Variants in M1AP observed in about 807,000 individuals in gnomAD.
M1AP encodes the protein meiosis 1 arrest protein.
In M1AP, 39 loss-of-function variants were observed where a neutral mutation model predicts 51.2. The ratio of observed to expected loss-of-function variants is 0.76; its 90% CI spans 0.59 to 1.00. The LOEUF (loss-of-function observed/expected upper bound fraction) is 1.00. Among genes scored for constraint, M1AP ranks in the 50% least tolerant of loss-of-function variants. The pLI is 0.00. For synonymous variants in M1AP, 251 were observed against 249.2 expected (o/e 1.01, Z -0.07); for missense variants, 545 against 641.2 (o/e 0.85, Z 1.62).
Position 74,560,245 on chromosome 2 carries a change from T to C in M1AP, c.1328A>G (p.His443Arg), listed in dbSNP as rs1677822058. 6.2e-7 allele frequency: 1 copy of C among 1,613,340 alleles called. No homozygotes were observed. The highest frequency in any genetic ancestry group is 8.5e-7 in the Non-Finnish European group (1 of 1,179,764). ...LELEPTYNPLHVQSHLYSHLS... is the reference protein window; with the variant it reads ...LELEPTYNPLRVQSHLYSHLS... ...GTGTGAGTACAGGTGGCTTTGAACATGCAAGGGGTTGTAGGTGGGCTCCAG... is the reference window on the plus strand; with the variant it reads ...GTGTGAGTACAGGTGGCTTTGAACACGCAAGGGGTTGTAGGTGGGCTCCAG... Residue 443 changes from histidine to arginine, a missense_variant, in exon 9 of 11, where the codon CAT becomes CGT. Physicochemically the swap from His to Arg is conservative, Grantham distance 29. Coordinates refer to ENST00000421985, the MANE Select transcript of M1AP (RefSeq NM_001321739.2).
intron 3 of M1AP, among the ~76,000 whole-genome samples, chr2:74,614,453 A>G (rs1433752693): frequency 6.6e-6 from 1 of 152,140 alleles, no homozygotes. Flanking sequence ...ACACTTACTC[A>G]TGTACCCAAT....
At chr2:74,626,228 C>T (rs193133936) in intron 2 of M1AP, among the ~76,000 whole-genome samples, 1 of 149,396 alleles carries the variant, frequency 6.7e-6, no homozygotes, top group East Asian at 2.0e-4. Context: ...AATCTATTAT[C>T]ATAGTTTAAT....
chr2:74,561,054 AGGAGGAGG>A, intron 8 of M1AP, among the ~76,000 whole-genome samples: 2 of 124,588 alleles, frequency 1.6e-5, no homozygotes, highest in South Asian at 3.0e-4. Flanking sequence ...AAACAGGTGG[AGGAGGAGG>A]GGAGGAGGAG....
chr2:74,596,913 C>T (rs1314389753), intron 4 of M1AP, among the ~76,000 whole-genome samples: 2 of 152,124 alleles, frequency 1.3e-5, no homozygotes, highest in East Asian at 3.8e-4. Flanking sequence ...ACAGACTAAC[C>T]TACAGACAAA....
At chr2:74,628,011 A>G (rs1169650167) in intron 2 of M1AP, among the ~76,000 whole-genome samples, 1 of 152,192 alleles carries the variant, frequency 6.6e-6, no homozygotes, top group Non-Finnish European at 1.5e-5. Context: ...TTTTATATAT[A>G]TAAATAAACT....
At chr2:74,578,151 C>A (rs1025704081) in intron 5 of M1AP, among the ~76,000 whole-genome samples, 1 of 152,182 alleles carries the variant, frequency 6.6e-6, no homozygotes, top group African/African-American at 2.4e-5. Context: ...CAGTTCCTAA[C>A]AGGCCACAGG....
chr2:74,638,167 G>A (rs1247297675), intron 2 of M1AP, among the ~76,000 whole-genome samples: 4 of 151,800 alleles, frequency 2.6e-5, no homozygotes, highest in Admixed American at 1.3e-4. Flanking sequence ...CGATTCTCCC[G>A]CCTCAGCCTC....
chr2:74,607,082 A>C lies in M1AP; in HGVS notation c.568T>G (p.Ser190Ala). 1 of 1,614,018 alleles carries C rather than the reference A, an allele frequency of 6.2e-7. No individual in the cohort carries two copies. Among genetic ancestry groups the C allele is most frequent in the Non-Finnish European group, 8.5e-7 (1 of 1,179,968 alleles). ...TCATTGCTGGTATCCTCAACAGGAGACGCTGAGTCCACGTGCTCTAGGATT... is the reference window on the plus strand; with the variant it reads ...TCATTGCTGGTATCCTCAACAGGAGCCGCTGAGTCCACGTGCTCTAGGATT... ...KGILEHVDSA[S>A]PVEDTSNDES... The change falls in exon 4 of 11, where the codon TCT becomes GCT. Residue 190 changes from serine to alanine, a missense_variant. Transcript: ENST00000421985.
At chr2:74,628,027 A>G (rs1184484348) in intron 2 of M1AP, among the ~76,000 whole-genome samples, 1 of 152,190 alleles carries the variant, frequency 6.6e-6, no homozygotes, top group Non-Finnish European at 1.5e-5. Flanking sequence ...AAACTCTTTC[A>G]TTAATTTGGG....
Position 74,627,428 on chromosome 2 carries a change from C to A in M1AP, c.241-12279G>T, listed in dbSNP as rs148997745. Reference sequence around the variant, plus strand: ...TGGGCTTTCTGGATAATCAAATAATCCGCAAATAACAATTTAATCTCCTCT... The same window carrying A: ...TGGGCTTTCTGGATAATCAAATAATACGCAAATAACAATTTAATCTCCTCT... On this transcript the variant is annotated intron_variant, in intron 2 of 10. Coordinates refer to ENST00000421985, the MANE Select transcript of M1AP (RefSeq NM_001321739.2). 4.1e-3 allele frequency among the ~76,000 whole-genome samples: 621 copies of A among 152,216 alleles called. 3 individuals carry two copies. The highest frequency in any genetic ancestry group is 0.01 in the Middle Eastern group (3 of 294).
chr2:74,590,568 G>C (rs1221716970), intron 4 of M1AP, among the ~76,000 whole-genome samples: 1 of 152,144 alleles, frequency 6.6e-6, no homozygotes, highest in Non-Finnish European at 1.5e-5. Flanking sequence ...GTAAGAAAAA[G>C]TTTAGAGAGC....
chr2:74,620,703 G>A (rs543200023), intron 2 of M1AP: 208 of 216,078 alleles, frequency 9.6e-4, no homozygotes, highest in Non-Finnish European at 1.5e-3. Flanking sequence ...TTTATCTTTT[G>A]CTCATGAGGG....
At chr2:74,631,224 T>A (rs541555457) in intron 2 of M1AP, among the ~76,000 whole-genome samples, 1 of 152,354 alleles carries the variant, frequency 6.6e-6, no homozygotes, top group South Asian at 2.1e-4. Context: ...TTTTTACAGC[T>A]TTTAGAAAAT....
chr2:74,643,670 T>G (rs1053374514), intron 1 of M1AP, among the ~76,000 whole-genome samples: 1 of 150,606 alleles, frequency 6.6e-6, no homozygotes, highest in Non-Finnish European at 1.5e-5. Flanking sequence ...CTCAGCTCAC[T>G]GCAACCTCCA....
chr2:74,636,615 C>T (rs985424425), intron 2 of M1AP, among the ~76,000 whole-genome samples: 16 of 151,920 alleles, frequency 1.1e-4, no homozygotes, highest in Admixed American at 1.0e-3. Context: ...GAGTGTATTT[C>T]TTTGTATAGG....
intron 2 of M1AP, among the ~76,000 whole-genome samples, chr2:74,633,581 T>G (rs1682819067): frequency 6.6e-6 from 1 of 152,136 alleles, no homozygotes. Flanking sequence ...TGTGCCATAT[T>G]CAGAATTGAG....
chr2:74,588,298 A>G (rs1679836460), intron 4 of M1AP, among the ~76,000 whole-genome samples: 1 of 152,220 alleles, frequency 6.6e-6, no homozygotes, highest in South Asian at 2.1e-4. Flanking sequence ...AGCTTTTATC[A>G]GATTCTCAAA....
Position 74,615,055 on chromosome 2 carries a change from A to G in M1AP, c.335T>C (p.Leu112Pro). 1.2e-6 allele frequency: 2 copies of G among 1,614,176 alleles called. No individual in the cohort carries two copies. The highest frequency in any genetic ancestry group is 1.7e-6 in the Non-Finnish European group (2 of 1,180,010). The change falls in exon 3 of 11, where the codon CTG becomes CCG. Residue 112 changes from leucine (L) to proline (P), a missense_variant. Physicochemically the swap from Leu to Pro is moderately conservative, Grantham distance 98. Transcript: ENST00000421985. ...GAGCCCATCCTCTACTGCCAGCCGC[A>G]GAGAAGCACCTTGTGATCTGAAACA... ...EGCFRSQGAS[L>P]RLAVEDGLQQ...
chr2:74,611,182 C>T (rs1681316850), intron 3 of M1AP, among the ~76,000 whole-genome samples: 1 of 152,136 alleles, frequency 6.6e-6, no homozygotes, highest in Non-Finnish European at 1.5e-5. Flanking sequence ...CAGGGTAATG[C>T]TGCCCTTGTA....
Sources: allele counts gnomAD v4.1 joint callset (sites outside exome capture counted in the v4.1 genomes callset), GRCh38; gene constraint gnomAD v4.1.1; transcripts MANE v1.5; gene names NCBI Gene and HGNC (gene_info 2026-07-23, HGNC 2026-07-21).